The following UBAC1 variants were observed in gnomAD, a reference collection of about 807,000 sequenced individuals.
The protein encoded by UBAC1 is ubiquitin-associated domain-containing protein 1.
Under a neutral mutation model 45.9 loss-of-function variants are expected in UBAC1, and 27 were observed. The observed-to-expected ratio is 0.59, with a 90% CI of 0.43 to 0.81. UBAC1 has a LOEUF of 0.81. Among genes scored for constraint, UBAC1 ranks in the 30% least tolerant of loss-of-function variants. The pLI is 0.00. For synonymous variants in UBAC1, 227 were observed against 215.5 expected (o/e 1.05, Z -0.47); for missense variants, 529 against 539.2 (o/e 0.98, Z 0.19).
chr9:135,952,810 A>G (rs1201915219), intron 3 of UBAC1, among the ~76,000 whole-genome samples: 1 of 152,248 alleles, frequency 6.6e-6, no homozygotes, highest in Non-Finnish European at 1.5e-5. Flanking sequence ...ACCAACGAGC[A>G]CTTCCATTAA....
chr9:135,957,070 G>A (rs977263020), intron 1 of UBAC1, among the ~76,000 whole-genome samples: 1 of 152,222 alleles, frequency 6.6e-6, no homozygotes, highest in African/African-American at 2.4e-5. Context: ...ACAACTGCTT[G>A]CTGGGAAAGA....
intron 8 of UBAC1, among the ~76,000 whole-genome samples, chr9:135,938,612 T>G (rs1839227847): frequency 6.6e-6 from 1 of 152,258 alleles, no homozygotes; most frequent in African/African-American, 2.4e-5. Flanking sequence ...CAGGGATCAC[T>G]GACTGCTGCC....
chr9:135,944,960 C>A, intron 7 of UBAC1, 68 bp downstream of exon 7: 1 of 1,490,854 alleles, frequency 6.7e-7, no homozygotes, highest in Non-Finnish European at 9.1e-7. Flanking sequence ...CCCCAGCTTC[C>A]TTTCCATGGC....
rs1839433692 is a variant in UBAC1, at chr9:135,953,746, T to C, written c.267A>G (p.Leu89=). ...LEENIQDQDV[L]LLIKKRAPSP... is the part of the protein sequence containing the mutation. Reference sequence around the variant, plus strand: ...ATGGAGCACGCTTTTTTATCAATAATAGGACATCTAGAAAAAACAACACGT... The same window carrying C: ...ATGGAGCACGCTTTTTTATCAATAACAGGACATCTAGAAAAAACAACACGT... The change falls in exon 3 of 10, where the codon CTA becomes CTG. Residue 89 remains leucine, a synonymous_variant. Coordinates refer to ENST00000371756, the MANE Select transcript of UBAC1 (RefSeq NM_016172.3). The C allele has an allele frequency of 6.2e-7, 1 of 1,613,780 alleles. No homozygotes were observed. Among genetic ancestry groups the C allele is most frequent in the Non-Finnish European group, 8.5e-7 (1 of 1,179,766 alleles).
intron 4 of UBAC1, among the ~76,000 whole-genome samples, chr9:135,946,657 C>G (rs1839341062): frequency 6.6e-6 from 1 of 152,244 alleles, no homozygotes; most frequent in Non-Finnish European, 1.5e-5. Flanking sequence ...GTCGGCCCAG[C>G]TGGCGCAGGT....
At chr9:135,948,877 A>C (rs1260351410) in intron 3 of UBAC1, among the ~76,000 whole-genome samples, 5 of 152,188 alleles carry the variant, frequency 3.3e-5, no homozygotes, top group South Asian at 2.1e-4. Context: ...CGAGACCAGC[A>C]TGGCCAACAT....
In UBAC1 at chr9:135,961,260, T is replaced by G; in HGVS notation, c.-98A>C. ...GGGCGGGGCCAGACCGCCCGCGCGC[T>G]CCTTCGCTGGGCCGCCGCCCCGCCC... On this transcript the variant is annotated 5_prime_UTR_variant, in exon 1 of 10. Coordinates refer to ENST00000371756, the MANE Select transcript of UBAC1 (RefSeq NM_016172.3). 1.8e-6 allele frequency: 2 copies of G among 1,112,668 alleles called. No individual in the cohort carries two copies. The highest frequency in any genetic ancestry group is 1.1e-6 in the Non-Finnish European group (1 of 894,352). The allele number at this position is 1,112,668 out of a possible 1,614,324, so 68.9% of individuals were successfully genotyped here.
chr9:135,945,765 A>T, intron 6 of UBAC1, 124 bp downstream of exon 6: 1 of 727,142 alleles, frequency 1.4e-6, no homozygotes, highest in East Asian at 2.7e-5. Context: ...ACCTCTTCAA[A>T]ACCCCACGTT....
At chr9:135,942,113 A>G (rs1839276653) in intron 7 of UBAC1, 1 of 152,302 alleles carries the variant, frequency 6.6e-6, no homozygotes, top group African/African-American at 2.4e-5. Context: ...ATGAGCATCC[A>G]TATTTAACAA....
intron 8 of UBAC1, among the ~76,000 whole-genome samples, chr9:135,938,899 T>C (rs1335494565): frequency 1.3e-5 from 2 of 152,200 alleles, no homozygotes. Context: ...ACGGGAATCA[T>C]TCTTGAGTCA....
intron 3 of UBAC1, 76 bp from the exon 4 acceptor site, chr9:135,947,981 A>G: frequency 7.3e-7 from 1 of 1,362,258 alleles, no homozygotes; most frequent in Non-Finnish European, 1.0e-6. Flanking sequence ...GAATCAGCGG[A>G]GCTCTGCCCA....
At chr9:135,950,200 C>G (rs967602360) in intron 3 of UBAC1, among the ~76,000 whole-genome samples, 47 of 152,268 alleles carry the variant, frequency 3.1e-4, no homozygotes, top group African/African-American at 1.0e-3. Context: ...CCCAGCCAGA[C>G]TTCTGCCCTA....
rs190448614 is a variant in UBAC1, at chr9:135,945,465, T to C, written c.654-215A>G. The C allele has an allele frequency of 3.2e-3, 1,680 of 531,706 alleles. 31 individuals are homozygous for C. Among genetic ancestry groups the C allele is most frequent in the Non-Finnish European group, 3.9e-4 (120 of 305,180 alleles). The allele number at this position is 531,706 out of a possible 1,614,324, so 32.9% of individuals were successfully genotyped here. On this transcript the variant is annotated intron_variant, in intron 6 of 9. Coordinates refer to ENST00000371756, the MANE Select transcript of UBAC1 (RefSeq NM_016172.3). ...GACCCTGGGCAGAATCAGAAGCCCA[T>C]GTCTAAGGAGAGGCAAGCGGACCCA... is the stretch of plus-strand genomic sequence containing the variant.
In UBAC1 at chr9:135,938,214, G is replaced by C; in HGVS notation, c.1102+8C>G. ...ACCCGAGACTTAGCATAAAGAAGGC[G>C]CACATACCTAGCAATGTTTTCGGGT... On this transcript the variant is annotated splice_region_variant and intron_variant, in intron 9 of 9. Coordinates refer to ENST00000371756, the MANE Select transcript of UBAC1 (RefSeq NM_016172.3). 1 of 1,613,434 alleles carries C rather than the reference G, an allele frequency of 6.2e-7. No individual in the cohort carries two copies.
At chr9:135,939,189 AGACCCT>A (rs1335294567) in intron 8 of UBAC1, among the ~76,000 whole-genome samples, 2 of 150,964 alleles carry the variant, frequency 1.3e-5, no homozygotes, top group African/African-American at 4.9e-5. Context: ...GGACAGAGTG[AGACCCT>A]GACTCCAAAA....
At chr9:135,942,198 T>C (rs780628051) in intron 7 of UBAC1, 6 of 151,738 alleles carry the variant, frequency 4.0e-5, no homozygotes, top group Admixed American at 1.3e-4. Flanking sequence ...CACACGAGAG[T>C]GCGAAGTCCA....
intron 4 of UBAC1, 88 bp from the exon 5 acceptor site, chr9:135,946,459 G>C (rs2297690): frequency 2.4e-6 from 2 of 835,800 alleles, no homozygotes; most frequent in Admixed American, 1.9e-5. Context: ...TAGAACTCTT[G>C]ATTCTGAGAG....
intron 7 of UBAC1, chr9:135,942,200 C>G (rs946400524): frequency 1.3e-5 from 2 of 152,220 alleles, no homozygotes. Flanking sequence ...CACGAGAGTG[C>G]GAAGTCCAAC....
intron 8 of UBAC1, among the ~76,000 whole-genome samples, chr9:135,939,169 C>A (rs1486970936): frequency 6.6e-6 from 1 of 150,840 alleles, no homozygotes; most frequent in Non-Finnish European, 1.5e-5. Context: ...CCGCTGCACT[C>A]CAGCCTGGGG....
Sources: gnomAD v4.1 joint callset for allele counts (sites outside exome capture counted in the v4.1 genomes callset) on GRCh38, gnomAD v4.1.1 for gene constraint, MANE v1.5 for transcripts, NCBI Gene and HGNC (gene_info 2026-07-23, HGNC 2026-07-21) for gene names.